CDYL: variants seen among roughly 807,000 people sequenced by gnomAD.
CDYL encodes the protein chromodomain Y like, also known as chromodomain Y-like protein.
Under a neutral mutation model 47.3 loss-of-function variants are expected in CDYL, and 8 were observed. The ratio of observed to expected loss-of-function variants is 0.17; its 90% CI spans 0.10 to 0.31. CDYL has a LOEUF of 0.31. CDYL is among the 10% of genes least tolerant of loss of function. The pLI is 1.00. For missense variants in CDYL, 471 were observed against 701.4 expected, an observed-to-expected ratio of 0.67 and a Z score of 3.71; for synonymous variants, 266 against 265.0, an observed-to-expected ratio of 1.00 and a Z score of -0.04.
chr6:4,848,772 A>G (rs186204761), intron 1 of CDYL, among the ~76,000 whole-genome samples: 53 of 152,328 alleles, frequency 3.5e-4, no homozygotes, highest in Non-Finnish European at 6.5e-4. Flanking sequence ...CCTTAATTGT[A>G]TAGAAGACGC....
chr6:4,724,353 T>A (rs1757445274), intron 2 of CDYL: 1 of 152,232 alleles, frequency 6.6e-6, no homozygotes, highest in East Asian at 1.9e-4. Context: ...GCCGAGCCTG[T>A]CCCCTCTTTA....
intron 6 of CDYL, 120 bp from the exon 7 acceptor site, chr6:4,953,778 G>A (rs1262233539): frequency 1.1e-6 from 1 of 915,190 alleles, no homozygotes; most frequent in African/African-American, 1.7e-5. Context: ...AAAATGTCTG[G>A]TAACCTTTTT....
Position 4,920,688 on chromosome 6 carries a change from G to A in CDYL, c.692-14827G>A, listed in dbSNP as rs189459891. ...GGCTGGAGTGTACTGGTGTGATCTC[G>A]GCTCACTGCAACCTCTGCCTCCCAG... On this transcript the variant is annotated intron_variant, in intron 2 of 6. Transcript: ENST00000397588. Among the ~76,000 whole-genome samples, 7 of 152,200 alleles carry A rather than the reference G, an allele frequency of 4.6e-5. 1 individual carries two copies. In the East Asian group the frequency reaches 1.2e-3, roughly 25 times the overall value.
chr6:4,953,914 A>G lies in CDYL; in HGVS notation c.1493A>G (p.Lys498Arg), dbSNP rs1319360461. ...SCNPVVLEES[K>R]ALVRCNMKME... ...CCGGTGCAGGTGCTTGAGGAATCCA[A>G]AGCCCTCGTGCGCTGCAACATGAAG... Residue 498 changes from lysine (K) to arginine (R), a missense_variant, in exon 7 of 7, where the codon AAA (lysine) becomes AGA (arginine). Physicochemically the swap from Lys to Arg is conservative, Grantham distance 26. Around this residue, in one of 3 missense-constraint regions of CDYL, gnomAD observed 57 missense variants for 74.3 expected, o/e 0.77. Transcript: ENST00000397588. The G allele has an allele frequency of 1.2e-6, 2 of 1,612,960 alleles. No individual in the cohort carries two copies. The highest frequency in any genetic ancestry group is 1.7e-5 in the Admixed American group (1 of 59,962).
intron 1 of CDYL, among the ~76,000 whole-genome samples, chr6:4,885,068 ACTGTAGCCTAGACCT>A (rs1182182558): frequency 1.3e-5 from 2 of 152,026 alleles, no homozygotes; most frequent in East Asian, 3.9e-4. Context: ...ATCACAGCTC[ACTGTAGCCTAGACCT>A]CCTTGGCTCA....
In CDYL at chr6:4,892,073, A is replaced by T; in HGVS notation, c.385A>T (p.Ser129Cys). Residue 129 changes from serine to cysteine, a missense_variant, in exon 2 of 7, where the codon AGC becomes TGC. Ser to Cys is a moderately radical substitution (Grantham distance 112). Transcript: ENST00000397588. ...FRKNTAPSLS[S>C]RKNMDLAKSG... Reference sequence around the variant, plus strand: ...GAAGAACACAGCTCCATCTCTCTCCAGCCGGAAGAACATGGACCTAGCGAA... The same window carrying T: ...GAAGAACACAGCTCCATCTCTCTCCTGCCGGAAGAACATGGACCTAGCGAA... The T allele has an allele frequency of 1.2e-6, 2 of 1,614,232 alleles. No individual in the cohort carries two copies. Among genetic ancestry groups the T allele is most frequent in the Non-Finnish European group, 1.7e-6 (2 of 1,180,032 alleles).
At chr6:4,781,630 T>C (rs756630411) in intron 1 of CDYL, among the ~76,000 whole-genome samples, 8 of 152,206 alleles carry the variant, frequency 5.3e-5, no homozygotes, top group Non-Finnish European at 1.0e-4. Context: ...TACTTTCAAT[T>C]CCTGTGTACC....
At chr6:4,749,564 G>C (rs920305146) in intron 3 of CDYL, among the ~76,000 whole-genome samples, 1 of 152,226 alleles carries the variant, frequency 6.6e-6, no homozygotes, top group Admixed American at 6.5e-5. Flanking sequence ...TTATTGAATA[G>C]ACTGTTTCAA....
chr6:4,809,660 A>G (rs542796965), intron 1 of CDYL, among the ~76,000 whole-genome samples: 53 of 151,214 alleles, frequency 3.5e-4, no homozygotes, highest in Middle Eastern at 3.5e-3. Context: ...GGGGTATTAT[A>G]TTAGTCCTTG....
At chr6:4,906,331 A>G (rs1581253960) in intron 2 of CDYL, among the ~76,000 whole-genome samples, 1 of 152,240 alleles carries the variant, frequency 6.6e-6, no homozygotes. Context: ...GTGAAGTAAC[A>G]TAAGAATTGT....
At chr6:4,889,044 T>C in intron 1 of CDYL, among the ~76,000 whole-genome samples, 1 of 152,174 alleles carries the variant, frequency 6.6e-6, no homozygotes, top group East Asian at 1.9e-4. Flanking sequence ...GAAGAATGTA[T>C]ATTCTGCTGT....
At chr6:4,909,187 G>A (rs900410530) in intron 2 of CDYL, among the ~76,000 whole-genome samples, 5 of 152,122 alleles carry the variant, frequency 3.3e-5, no homozygotes, top group Admixed American at 3.3e-4. Flanking sequence ...CAAGTGTGTT[G>A]GAGAGAAGAT....
intron 1 of CDYL, among the ~76,000 whole-genome samples, chr6:4,836,500 C>G (rs986717793): frequency 6.6e-6 from 1 of 152,158 alleles, no homozygotes; most frequent in Non-Finnish European, 1.5e-5. Flanking sequence ...CACTGTGTGT[C>G]CATTCGAGAG....
In CDYL at chr6:4,924,787, G is replaced by A. The variant is rs987908274; in HGVS notation, c.692-10728G>A. On this transcript the variant is annotated intron_variant, in intron 2 of 6. Transcript: ENST00000397588. ...TGTGATATATGTGATCCTAAAAATC[G>A]CCACACTGCAAAATCATGCAATAAA... Among the ~76,000 whole-genome samples, 94 of 152,184 alleles carry A rather than the reference G, an allele frequency of 6.2e-4. 2 individuals carry two copies. Among genetic ancestry groups the A allele is most frequent in the African/African-American group, 2.2e-3 (91 of 41,526 alleles).
At chr6:4,726,526 T>G (rs1172038945) in intron 2 of CDYL, among the ~76,000 whole-genome samples, 1 of 127,634 alleles carries the variant, frequency 7.8e-6, no homozygotes, top group Non-Finnish European at 1.6e-5. Flanking sequence ...GGCGAGACTC[T>G]GTCTCAAAAA....
intron 2 of CDYL, among the ~76,000 whole-genome samples, chr6:4,900,868 A>G (rs1230235057): frequency 2.3e-5 from 3 of 133,220 alleles, no homozygotes; most frequent in Non-Finnish European, 4.7e-5. Context: ...AACTTCCAAA[A>G]TGTGAACATT....
chr6:4,929,491 CTT>C lies in CDYL; in HGVS notation c.692-6023_692-6022del, dbSNP rs1190734118. On this transcript the variant is annotated intron_variant, in intron 2 of 6. Transcript: ENST00000397588. ...CACTATTATTTCTGCAAATGTTTTA[CTT>C]ACACACACACACACACACACACACA... 7.2e-5 allele frequency among the ~76,000 whole-genome samples: 8 copies of C among 111,870 alleles called. No homozygotes were observed. The South Asian group carries it at 1.3e-3, about 18-fold the overall frequency. The allele number at this position is 111,870 out of a possible 152,430, so 73.4% of individuals were successfully genotyped here.
intron 1 of CDYL, among the ~76,000 whole-genome samples, chr6:4,710,758 C>A (rs1757137283): frequency 6.6e-6 from 1 of 152,176 alleles, no homozygotes; most frequent in Non-Finnish European, 1.5e-5. Context: ...CACATTCTAA[C>A]CATCCTTCCA....
At chr6:4,879,281 A>C (rs533557289) in intron 1 of CDYL, among the ~76,000 whole-genome samples, 1 of 152,154 alleles carries the variant, frequency 6.6e-6, no homozygotes, top group Non-Finnish European at 1.5e-5. Context: ...AAAATTTTCA[A>C]CTGAGTTTGT....
Sources: gnomAD v4.1 joint callset for allele counts (sites outside exome capture counted in the v4.1 genomes callset) on GRCh38, gnomAD v4.1.1 for gene constraint, gnomAD v4.1.1 regional missense constraint, MANE v1.5 for transcripts, NCBI Gene and HGNC (gene_info 2026-07-23, HGNC 2026-07-21) for gene names.